Variants in SLC22A23 observed in about 807,000 individuals in gnomAD.
The protein encoded by SLC22A23 is solute carrier family 22 member 23, also known as ion transporter protein.
SLC22A23 carries 26 observed loss-of-function variants against 61.0 expected under a neutral mutation model. The ratio of observed to expected loss-of-function variants is 0.43; its 90% CI spans 0.31 to 0.59. The LOEUF is 0.59. Ranked by LOEUF, SLC22A23 falls within the 20% of genes least tolerant of loss-of-function variation. The probability of loss-of-function intolerance (pLI) is 0.11; values close to 1 mark genes in which losing one functional copy is unlikely to be tolerated. For missense variants in SLC22A23, 796 were observed against 934.7 expected (o/e 0.85, Z 1.94); for synonymous variants, 430 against 413.9 (o/e 1.04, Z -0.47).
At chr6:3,449,962 T>C (rs1314518208) in intron 1 of SLC22A23, among the ~76,000 whole-genome samples, 1 of 152,178 alleles carries the variant, frequency 6.6e-6, no homozygotes, top group Non-Finnish European at 1.5e-5. Context: ...TATGCAGACA[T>C]AAAAAAGAAT....
At chr6:3,314,048 G>T (rs766543112) in intron 4 of SLC22A23, among the ~76,000 whole-genome samples, 8 of 152,186 alleles carry the variant, frequency 5.3e-5, no homozygotes, top group Non-Finnish European at 1.2e-4. Context: ...TTCTTAAATG[G>T]TCTTTTAAAA....
intron 3 of SLC22A23, among the ~76,000 whole-genome samples, chr6:3,366,813 G>A (rs1342179541): frequency 6.6e-6 from 1 of 152,128 alleles, no homozygotes; most frequent in Non-Finnish European, 1.5e-5. Context: ...GGACAGGCAG[G>A]ATCCTAGCAA....
At chr6:3,416,783 C>T (rs538501674) in intron 1 of SLC22A23, among the ~76,000 whole-genome samples, 284 of 152,274 alleles carry the variant, frequency 1.9e-3, no homozygotes, top group Admixed American at 4.9e-3. Context: ...GGTCTGGACG[C>T]GCAACTCCAG....
At chr6:3,338,136 C>T (rs894409360) in intron 3 of SLC22A23, among the ~76,000 whole-genome samples, 2 of 152,216 alleles carry the variant, frequency 1.3e-5, no homozygotes, top group African/African-American at 4.8e-5. Flanking sequence ...TTTACTGCTC[C>T]TAGAAGCCCG....
chr6:3,331,662 AG>A (rs1467724676), intron 3 of SLC22A23, among the ~76,000 whole-genome samples: 1 of 152,262 alleles, frequency 6.6e-6, no homozygotes. Context: ...GACTCAAATG[AG>A]GAACAGGGAT....
In SLC22A23 at chr6:3,290,326, C is replaced by T. The variant is rs200947223; in HGVS notation, c.1211-460G>A. 9 of 225,396 alleles carry T rather than the reference C, an allele frequency of 4.0e-5. 1 individual carries two copies. The highest frequency in any genetic ancestry group is 1.8e-4 in the South Asian group (3 of 16,494). The allele number at this position is 225,396 out of a possible 1,614,324, so 14.0% of individuals were successfully genotyped here. ...CCCCCGGCTCGGAGACTGGGAAGGC[C>T]ACATGCAGATATGCTTCTTAGCCTT... is the stretch of plus-strand genomic sequence containing the variant. On this transcript the variant is annotated intron_variant, in intron 5 of 9. Transcript: ENST00000406686.
rs183859476 is a variant in SLC22A23 at position 3,454,839 on chromosome 6, G to A, written c.654+1067C>T. Among the ~76,000 whole-genome samples, 1 of 152,196 alleles carries A rather than the reference G, an allele frequency of 6.6e-6. No individual in the cohort carries two copies. Among genetic ancestry groups the A allele is most frequent in the Admixed American group, 6.5e-5 (1 of 15,276 alleles). On this transcript the variant is annotated intron_variant, in intron 1 of 9. Coordinates refer to ENST00000406686, the MANE Select transcript of SLC22A23 (RefSeq NM_015482.2). The surrounding 1 kb of genome is among the most constrained non-coding windows in gnomAD (Gnocchi z 4.3). ...GCTACAACTGTTAACCAATGCACAC[G>A]GGGGGAGGAGGTTACATGCACATTG... is the stretch of plus-strand genomic sequence containing the variant.
chr6:3,443,735 T>C (rs1345973795), intron 1 of SLC22A23, among the ~76,000 whole-genome samples: 1 of 152,082 alleles, frequency 6.6e-6, no homozygotes, highest in Non-Finnish European at 1.5e-5. Context: ...AAACCTCCTT[T>C]CCCTCACCCC....
At chr6:3,419,859 G>A (rs949874741) in intron 1 of SLC22A23, among the ~76,000 whole-genome samples, 6 of 152,106 alleles carry the variant, frequency 3.9e-5, no homozygotes, top group Non-Finnish European at 7.4e-5. Flanking sequence ...TCCTTGGGAT[G>A]GAATTTGCAG....
chr6:3,306,332 CAT>C (rs1457941637), intron 4 of SLC22A23, among the ~76,000 whole-genome samples: 6 of 152,150 alleles, frequency 3.9e-5, no homozygotes, highest in East Asian at 1.9e-4. Context: ...GGAAGGGACT[CAT>C]GTGCAAACTC....
chr6:3,445,304 T>C (rs1312052641), intron 1 of SLC22A23, among the ~76,000 whole-genome samples: 1 of 152,072 alleles, frequency 6.6e-6, no homozygotes, highest in Non-Finnish European at 1.5e-5. Context: ...GTTCAAGCAA[T>C]TGTCCTGCCT....
At position 3,387,625 on chromosome 6, in the gene SLC22A23, G is replaced by A. The variant is rs763863482; in HGVS notation, c.913+22563C>T. Among the ~76,000 whole-genome samples, 1 of 152,254 alleles carries A rather than the reference G, an allele frequency of 6.6e-6. No homozygotes were observed. The highest frequency in any genetic ancestry group is 1.5e-5 in the Non-Finnish European group (1 of 68,042). On this transcript the variant is annotated intron_variant, in intron 3 of 9. Coordinates refer to ENST00000406686, the MANE Select transcript of SLC22A23 (RefSeq NM_015482.2). The surrounding 1 kb of genome is among the most constrained non-coding windows in gnomAD (Gnocchi z 5.0). Reference sequence around the variant, plus strand: ...CCGTAGCGTGGTTATGTGAGTTCACGTTAGCGGAAGGCGGGTGAGTGAAGG... The same window carrying A: ...CCGTAGCGTGGTTATGTGAGTTCACATTAGCGGAAGGCGGGTGAGTGAAGG...
chr6:3,284,833 G>A, intron 8 of SLC22A23: 2 of 1,389,930 alleles, frequency 1.4e-6, no homozygotes, highest in Non-Finnish European at 2.0e-6. Flanking sequence ...GCCAGGGGAA[G>A]GGGCGGGGGC....
Position 3,296,731 on chromosome 6 carries a change from C to T in SLC22A23, c.1210+1360G>A, listed in dbSNP as rs751494989. ...TGGGTAGGCCCCACCCCACCCAGCACGTGGTCCAGCCTGGGTGACCTGACT... is the reference window on the plus strand; with the variant it reads ...TGGGTAGGCCCCACCCCACCCAGCATGTGGTCCAGCCTGGGTGACCTGACT... On this transcript the variant is annotated intron_variant, in intron 5 of 9. Transcript: ENST00000406686. Among the ~76,000 whole-genome samples, 7 of 152,126 alleles carry T rather than the reference C, an allele frequency of 4.6e-5. No individual in the cohort carries two copies. The East Asian group carries it at 5.8e-4, about 13-fold the overall frequency.
At chr6:3,374,055 C>T (rs1561934760) in intron 3 of SLC22A23, among the ~76,000 whole-genome samples, 1 of 152,246 alleles carries the variant, frequency 6.6e-6, no homozygotes, top group African/African-American at 2.4e-5. Context: ...GCAACACATC[C>T]TCTGATTTCA....
At chr6:3,406,795 G>A (rs929242770) in intron 3 of SLC22A23, among the ~76,000 whole-genome samples, 5 of 151,912 alleles carry the variant, frequency 3.3e-5, no homozygotes, top group Admixed American at 2.6e-4. Flanking sequence ...TCCCTTTGGC[G>A]ACTTGAGGGA....
At chr6:3,413,306 G>A (rs1184366892) in intron 2 of SLC22A23, among the ~76,000 whole-genome samples, 1 of 152,174 alleles carries the variant, frequency 6.6e-6, no homozygotes, top group Non-Finnish European at 1.5e-5. Flanking sequence ...CCTCCAACCT[G>A]GCAGAGAGCA....
intron 3 of SLC22A23, among the ~76,000 whole-genome samples, chr6:3,383,610 A>G (rs1767094151): frequency 6.6e-6 from 1 of 152,234 alleles, no homozygotes; most frequent in African/African-American, 2.4e-5. Context: ...GAGGGGTCAG[A>G]AGAAAATCCC....
At chr6:3,371,162 T>C (rs1766194213) in intron 3 of SLC22A23, among the ~76,000 whole-genome samples, 1 of 152,212 alleles carries the variant, frequency 6.6e-6, no homozygotes, top group African/African-American at 2.4e-5. Flanking sequence ...GTGTGGAAGA[T>C]AAGATAAATA....
Sources: allele counts gnomAD v4.1 joint callset (sites outside exome capture counted in the v4.1 genomes callset), GRCh38; gene constraint gnomAD v4.1.1; non-coding constraint Gnocchi (gnomAD v3.1); transcripts MANE v1.5; gene names NCBI Gene and HGNC (gene_info 2026-07-23, HGNC 2026-07-21).